Variants in GRIN2A observed in about 807,000 individuals in gnomAD.
The protein encoded by GRIN2A is glutamate ionotropic receptor NMDA type subunit 2A.
In GRIN2A, 22 loss-of-function variants were observed where a neutral mutation model predicts 113.4. That is an observed-to-expected ratio of 0.19 (90% CI 0.14 to 0.28). GRIN2A has a LOEUF of 0.28. GRIN2A is among the 10% of genes least tolerant of loss of function. The probability of loss-of-function intolerance (pLI) is 1.00; values close to 1 mark genes in which losing one functional copy is unlikely to be tolerated. For synonymous variants in GRIN2A, 827 were observed against 738.4 expected, an observed-to-expected ratio of 1.12 and a Z score of -1.94; for missense variants, 1,502 against 1,887.0, an observed-to-expected ratio of 0.80 and a Z score of 3.78.
chr16:9,814,166 A>G (rs2042143005), intron 10 of GRIN2A, among the ~76,000 whole-genome samples: 1 of 152,148 alleles, frequency 6.6e-6, no homozygotes, highest in Non-Finnish European at 1.5e-5. Context: ...TATGATATGT[A>G]CTCTATAATA....
chr16:9,940,869 CA>C (rs2044857054), intron 2 of GRIN2A, among the ~76,000 whole-genome samples: 1 of 151,920 alleles, frequency 6.6e-6, no homozygotes, highest in African/African-American at 2.4e-5. Context: ...TCATTAATGC[CA>C]AAATAGGGCA....
At chr16:9,995,359 T>C (rs2046203095) in intron 2 of GRIN2A, among the ~76,000 whole-genome samples, 2 of 152,348 alleles carry the variant, frequency 1.3e-5, no homozygotes, top group Middle Eastern at 3.4e-3. Flanking sequence ...AGCAGGTTCA[T>C]GGAGGGGATA....
chr16:9,806,568 G>C (rs1005405277), intron 10 of GRIN2A, among the ~76,000 whole-genome samples: 1 of 152,086 alleles, frequency 6.6e-6, no homozygotes, highest in African/African-American at 2.4e-5. Flanking sequence ...GGATAGAAGA[G>C]AGGAAGAGAA....
intron 2 of GRIN2A, among the ~76,000 whole-genome samples, chr16:10,060,679 T>C (rs2047536590): frequency 6.6e-6 from 1 of 152,222 alleles, no homozygotes; most frequent in Admixed American, 6.5e-5. Flanking sequence ...GCTACTATTA[T>C]TATTTTCAAC....
intron 2 of GRIN2A, among the ~76,000 whole-genome samples, chr16:10,021,524 A>G (rs1309043175): frequency 6.6e-6 from 1 of 152,178 alleles, no homozygotes; most frequent in Non-Finnish European, 1.5e-5. Flanking sequence ...CCAATGGTAG[A>G]CTTTGAAAAA....
intron 2 of GRIN2A, among the ~76,000 whole-genome samples, chr16:10,170,438 T>C (rs533664941): frequency 2.0e-5 from 3 of 152,280 alleles, no homozygotes; most frequent in Non-Finnish European, 2.9e-5. Context: ...ATGGTGACAA[T>C]ACAAAAATAT....
At chr16:10,151,195 T>C (rs898401944) in intron 2 of GRIN2A, among the ~76,000 whole-genome samples, 10 of 152,230 alleles carry the variant, frequency 6.6e-5, no homozygotes, top group African/African-American at 7.2e-5. Context: ...AGATGCAACA[T>C]GCAAGCTGTG....
At chr16:10,070,310 C>T (rs2047725610) in intron 2 of GRIN2A, among the ~76,000 whole-genome samples, 1 of 152,170 alleles carries the variant, frequency 6.6e-6, no homozygotes, top group South Asian at 2.1e-4. Context: ...CAGTGGGGTC[C>T]ATGGGCCAGC....
intron 2 of GRIN2A, among the ~76,000 whole-genome samples, chr16:9,954,347 G>A (rs533996468): frequency 6.6e-5 from 10 of 152,224 alleles, no homozygotes; most frequent in Middle Eastern, 3.4e-3. Context: ...GCACATGGTC[G>A]GCAGATTGAG....
At chr16:9,991,559 CTCACCT>C (rs2046112992) in intron 2 of GRIN2A, among the ~76,000 whole-genome samples, 2 of 152,194 alleles carry the variant, frequency 1.3e-5, no homozygotes, top group Non-Finnish European at 1.5e-5. Context: ...TCCCATTCCC[CTCACCT>C]TCGAGTCTCC....
intron 2 of GRIN2A, among the ~76,000 whole-genome samples, chr16:10,051,537 G>C (rs2047360051): frequency 6.6e-6 from 1 of 152,202 alleles, no homozygotes; most frequent in African/African-American, 2.4e-5. Flanking sequence ...AGTTTTTAAA[G>C]TGCTCCAAGT....
At chr16:9,979,723 T>C (rs1004491533) in intron 2 of GRIN2A, among the ~76,000 whole-genome samples, 1 of 150,710 alleles carries the variant, frequency 6.6e-6, no homozygotes, top group African/African-American at 2.4e-5. Flanking sequence ...ACAGAATGAA[T>C]GACTGTACTA....
At position 10,063,442 on chromosome 16, in the gene GRIN2A, A is replaced by T. The variant is rs1313458760; in HGVS notation, c.414+116556T>A. On this transcript the variant is annotated intron_variant, in intron 2 of 12. Transcript: ENST00000330684. ...AGCCCCGCCTAGCCATTTCTAGTAC[A>T]TAACCTGGTATTTGGCTTCTAGTAG... 3.9e-5 allele frequency among the ~76,000 whole-genome samples: 6 copies of T among 152,334 alleles called. No individual in the cohort carries two copies. In the East Asian group the frequency reaches 9.6e-4, roughly 24 times the overall value.
intron 11 of GRIN2A, among the ~76,000 whole-genome samples, chr16:9,788,690 T>A (rs906331734): frequency 2.6e-5 from 4 of 151,732 alleles, no homozygotes; most frequent in African/African-American, 9.7e-5. Context: ...TGTTCTCATC[T>A]TCATCTTCTC....
At chr16:10,095,942 T>G (rs1019999183) in intron 2 of GRIN2A, among the ~76,000 whole-genome samples, 1 of 151,920 alleles carries the variant, frequency 6.6e-6, no homozygotes, top group African/African-American at 2.4e-5. Flanking sequence ...AATATAGGAG[T>G]TCTTTCTACT....
rs753985352 is a variant in GRIN2A at position 9,822,415 on chromosome 16, G to T, written c.2017C>A (p.Pro673Thr). 1 of 1,608,428 alleles carries T rather than the reference G, an allele frequency of 6.2e-7. No homozygotes were observed. The highest frequency in any genetic ancestry group is 8.5e-7 in the Non-Finnish European group (1 of 1,174,874). ...TGLSDKKFQRPHDYSPPFRFG... is the reference protein window; with the variant it reads ...TGLSDKKFQRTHDYSPPFRFG... ...CGAAAAGGTGGGGAATAGTCATGAG[G>T]TCTCTGAAACTGGAGAGAGAACGAG... The change falls in exon 10 of 13, where the codon CCT becomes ACT. Residue 673 changes from proline (P) to threonine (T), a missense_variant. Physicochemically the swap from Pro to Thr is conservative, Grantham distance 38 (BLOSUM62 -1). Transcript: ENST00000330684.
intron 10 of GRIN2A, 75 bp downstream of exon 10, chr16:9,822,189 A>G: frequency 7.1e-7 from 1 of 1,412,866 alleles, no homozygotes; most frequent in Non-Finnish European, 1.0e-6. Flanking sequence ...ATAGGAACTG[A>G]GGCATGCCGA....
At chr16:10,055,954 T>A (rs2047450769) in intron 2 of GRIN2A, among the ~76,000 whole-genome samples, 1 of 152,186 alleles carries the variant, frequency 6.6e-6, no homozygotes, top group African/African-American at 2.4e-5. Flanking sequence ...TTCTCAGGGT[T>A]TCACTAAGCA....
At chr16:9,972,967 G>C (rs941781240) in intron 2 of GRIN2A, among the ~76,000 whole-genome samples, 3 of 152,190 alleles carry the variant, frequency 2.0e-5, no homozygotes, top group Non-Finnish European at 2.9e-5. Flanking sequence ...TGATTCAGGA[G>C]TTCTGATTGG....
Sources: allele counts gnomAD v4.1 joint callset (sites outside exome capture counted in the v4.1 genomes callset), GRCh38; gene constraint gnomAD v4.1.1; transcripts MANE v1.5; gene names NCBI Gene and HGNC (gene_info 2026-07-23, HGNC 2026-07-21).